The following FAF1 variants were observed in gnomAD, a reference collection of about 807,000 sequenced individuals.
The protein encoded by FAF1 is FAS-associated factor 1.
FAF1 carries 25 observed loss-of-function variants against 92.5 expected under a neutral mutation model. The observed-to-expected ratio is 0.27, with a 90% CI of 0.20 to 0.38. The LOEUF (loss-of-function observed/expected upper bound fraction) is 0.38, where lower values mean the gene tolerates loss of function less well. FAF1 is among the 10% of genes least tolerant of loss of function. The pLI is 1.00. For missense variants in FAF1, 636 were observed against 793.3 expected, an observed-to-expected ratio of 0.80 and a Z score of 2.38; for synonymous variants, 234 against 273.2, an observed-to-expected ratio of 0.86 and a Z score of 1.42.
At chr1:50,493,797 A>G (rs1402042990) in intron 15 of FAF1, among the ~76,000 whole-genome samples, 1 of 152,222 alleles carries the variant, frequency 6.6e-6, no homozygotes, top group Non-Finnish European at 1.5e-5. Context: ...TCATCCACAA[A>G]ATGGCTGGCC....
intron 17 of FAF1, among the ~76,000 whole-genome samples, chr1:50,476,069 A>G (rs1646636789): frequency 6.6e-6 from 1 of 152,182 alleles, no homozygotes; most frequent in Admixed American, 6.5e-5. Flanking sequence ...ACACAAACAG[A>G]GATATATTTA....
chr1:50,561,864 AG>A (rs1649926820), intron 13 of FAF1, among the ~76,000 whole-genome samples: 1 of 150,304 alleles, frequency 6.7e-6, no homozygotes, highest in African/African-American at 2.5e-5. Context: ...GAAGGAAGGA[AG>A]GAAGGAAGGA....
At chr1:50,790,866 C>T (rs946904267) in intron 3 of FAF1, among the ~76,000 whole-genome samples, 8 of 151,928 alleles carry the variant, frequency 5.3e-5, no homozygotes, top group Non-Finnish European at 1.2e-4. Flanking sequence ...ATTACATAGT[C>T]GACTTGGTGA....
At chr1:50,720,387 A>G (rs1247018872) in intron 6 of FAF1, among the ~76,000 whole-genome samples, 1 of 152,236 alleles carries the variant, frequency 6.6e-6, no homozygotes, top group Non-Finnish European at 1.5e-5. Flanking sequence ...CAGTAATCAC[A>G]ATGTACTTGA....
intron 4 of FAF1, among the ~76,000 whole-genome samples, chr1:50,758,999 C>T (rs903473982): frequency 2.0e-5 from 3 of 151,936 alleles, no homozygotes; most frequent in African/African-American, 4.8e-5. Flanking sequence ...CCAGCCACCA[C>T]GTCCAGCTAA....
At chr1:50,646,890 G>A (rs767419048) in intron 8 of FAF1, among the ~76,000 whole-genome samples, 5 of 152,162 alleles carry the variant, frequency 3.3e-5, no homozygotes, top group Non-Finnish European at 4.4e-5. Flanking sequence ...CTGTTACCCA[G>A]GCTGGAGTAC....
At chr1:50,900,827 C>A (rs538525596) in intron 1 of FAF1, among the ~76,000 whole-genome samples, 2 of 152,032 alleles carry the variant, frequency 1.3e-5, no homozygotes, top group Admixed American at 6.5e-5. Flanking sequence ...TTAGTAAATT[C>A]TATTTATGTG....
chr1:50,829,105 A>T (rs1198895751), intron 2 of FAF1, among the ~76,000 whole-genome samples: 1 of 152,220 alleles, frequency 6.6e-6, no homozygotes, highest in African/African-American at 2.4e-5. Context: ...AAAAGCTAAA[A>T]AGGCTGACAG....
intron 1 of FAF1, among the ~76,000 whole-genome samples, chr1:50,950,099 C>CCCTGT (rs1205579290): frequency 6.6e-6 from 1 of 152,158 alleles, no homozygotes; most frequent in African/African-American, 2.4e-5. Flanking sequence ...CTCTTCTTCT[C>CCCTGT]AAAGTGCTGG....
chr1:50,713,139 G>T (rs1658009213), intron 6 of FAF1, among the ~76,000 whole-genome samples: 1 of 120,610 alleles, frequency 8.3e-6, no homozygotes, highest in Non-Finnish European at 1.6e-5. Flanking sequence ...CAGCCTGAGT[G>T]ACAGAGCCAG....
chr1:50,693,409 T>C (rs1657026208), intron 7 of FAF1, among the ~76,000 whole-genome samples: 1 of 152,176 alleles, frequency 6.6e-6, no homozygotes, highest in East Asian at 1.9e-4. Flanking sequence ...TCTGTCCTTA[T>C]GCTGGTTCCA....
chr1:50,662,683 C>CTTTTTTTTTTT (rs58193277), intron 7 of FAF1, among the ~76,000 whole-genome samples: 2 of 77,580 alleles, frequency 2.6e-5, no homozygotes, highest in Admixed American at 2.3e-4. Flanking sequence ...GAATTTGTAT[C>CTTTTTTTTTTT]TTTTTTTTTT....
chr1:50,911,605 G>A (rs1644886273), intron 1 of FAF1, among the ~76,000 whole-genome samples: 1 of 152,002 alleles, frequency 6.6e-6, no homozygotes, highest in Non-Finnish European at 1.5e-5. Context: ...GCTGAGTCAT[G>A]AGAATGGCTT....
intron 14 of FAF1, among the ~76,000 whole-genome samples, chr1:50,538,728 C>G (rs112779134): frequency 2.0e-5 from 3 of 152,094 alleles, no homozygotes; most frequent in Non-Finnish European, 4.4e-5. Context: ...TATCCATTTA[C>G]CCTATGCAAA....
chr1:50,826,813 C>G (rs576804348), intron 2 of FAF1, among the ~76,000 whole-genome samples: 15 of 152,278 alleles, frequency 9.9e-5, no homozygotes, highest in Admixed American at 7.2e-4. Context: ...TCAGTTTAGT[C>G]TTATATCTAC....
At chr1:50,840,255 T>A (rs1410544686) in intron 2 of FAF1, among the ~76,000 whole-genome samples, 1 of 151,946 alleles carries the variant, frequency 6.6e-6, no homozygotes, top group African/African-American at 2.4e-5. Context: ...ATTCATAAAT[T>A]GAATTTTATT....
At chr1:50,617,676 G>A (rs568532124) in intron 8 of FAF1, among the ~76,000 whole-genome samples, 140 of 150,670 alleles carry the variant, frequency 9.3e-4, no homozygotes, top group Non-Finnish European at 1.6e-3. Context: ...AGCTAGGGAA[G>A]GAGTCCCTCC....
At position 50,448,864 on chromosome 1, in the gene FAF1, T is replaced by A. The variant is rs1572748301; in HGVS notation, c.1870-7341A>T. Among the ~76,000 whole-genome samples the A allele has an allele frequency of 2.6e-5, 4 of 151,428 alleles. No individual in the cohort carries two copies. In the East Asian group the frequency reaches 7.8e-4, roughly 29 times the overall value. On this transcript the variant is annotated intron_variant, in intron 18 of 18. Coordinates refer to ENST00000396153, the MANE Select transcript of FAF1 (RefSeq NM_007051.3). ...GGGTATTATTTAATGGCTCCTAAAATCCCAAAAACCTCAGAGCACTAAGCA... is the reference window on the plus strand; with the variant it reads ...GGGTATTATTTAATGGCTCCTAAAAACCCAAAAACCTCAGAGCACTAAGCA...
chr1:50,955,741 G>A (rs1645261349), intron 1 of FAF1, among the ~76,000 whole-genome samples: 2 of 152,138 alleles, frequency 1.3e-5, no homozygotes, highest in Admixed American at 6.5e-5. Flanking sequence ...CAACCTAAAT[G>A]TCCATGGAAG....
Sources: gnomAD v4.1 joint callset for allele counts (sites outside exome capture counted in the v4.1 genomes callset) on GRCh38, gnomAD v4.1.1 for gene constraint, MANE v1.5 for transcripts, NCBI Gene and HGNC (gene_info 2026-07-23, HGNC 2026-07-21) for gene names.